PDE10A: variants seen among roughly 807,000 people sequenced by gnomAD.
PDE10A encodes the protein cAMP and cAMP-inhibited cGMP 3',5'-cyclic phosphodiesterase 10A.
In PDE10A, 39 loss-of-function variants were observed where a neutral mutation model predicts 97.7. The observed-to-expected ratio is 0.40, with a 90% CI of 0.31 to 0.52. The LOEUF is 0.52. Ranked by LOEUF, PDE10A falls within the 20% of genes least tolerant of loss-of-function variation. The probability of loss-of-function intolerance (pLI) is 0.56; values close to 1 mark genes in which losing one functional copy is unlikely to be tolerated. For missense variants in PDE10A, 731 were observed against 1,047.8 expected, an observed-to-expected ratio of 0.70 and a Z score of 4.17; for synonymous variants, 371 against 376.8, an observed-to-expected ratio of 0.98 and a Z score of 0.18.
upstream of PDE10A, among the ~76,000 whole-genome samples, chr6:165,664,476 A>G (rs1439588740): frequency 6.6e-6 from 1 of 152,202 alleles, no homozygotes; most frequent in Non-Finnish European, 1.5e-5. Context: ...ATTGCCGGGC[A>G]GATTCTGAGT....
intron 1 of PDE10A, among the ~76,000 whole-genome samples, chr6:165,836,332 G>A (rs990574671): frequency 1.3e-5 from 2 of 152,172 alleles, no homozygotes; most frequent in South Asian, 2.1e-4. Flanking sequence ...AGAGTCTAGC[G>A]CCCACTATGT....
At chr6:165,644,783 T>A (rs1032214144) in intron 1 of PDE10A, among the ~76,000 whole-genome samples, 1 of 152,236 alleles carries the variant, frequency 6.6e-6, no homozygotes, top group Non-Finnish European at 1.5e-5. Context: ...TTTCAGACTT[T>A]GTCAGCCCTG....
chr6:165,644,850 A>G (rs1789311538), intron 1 of PDE10A, among the ~76,000 whole-genome samples: 1 of 152,228 alleles, frequency 6.6e-6, no homozygotes, highest in African/African-American at 2.4e-5. Context: ...ATGGACGGTC[A>G]TGAGCAAGGC....
intron 1 of PDE10A, among the ~76,000 whole-genome samples, chr6:165,825,460 C>T (rs1459024040): frequency 1.3e-5 from 2 of 152,202 alleles, no homozygotes; most frequent in African/African-American, 2.4e-5. Context: ...CCCTGAAATA[C>T]GGCCCAGCCC....
chr6:165,534,665 G>C (rs1263572507), intron 2 of PDE10A, among the ~76,000 whole-genome samples: 2 of 151,944 alleles, frequency 1.3e-5, no homozygotes, highest in Admixed American at 1.3e-4. Flanking sequence ...CAATAAATAT[G>C]ATATATCACA....
At chr6:165,646,961 T>C (rs914232441) in intron 1 of PDE10A, among the ~76,000 whole-genome samples, 6 of 152,204 alleles carry the variant, frequency 3.9e-5, no homozygotes, top group African/African-American at 1.4e-4. Flanking sequence ...TTGATAGCTT[T>C]GTTTCAGATA....
intron 1 of PDE10A, among the ~76,000 whole-genome samples, chr6:165,927,942 G>A (rs953925508): frequency 1.5e-4 from 22 of 150,456 alleles, no homozygotes; most frequent in South Asian, 4.2e-4. Flanking sequence ...AGTGATCTGC[G>A]CACCCTCGCC....
At position 165,328,786 on chromosome 6, in the gene PDE10A, A is replaced by T. The variant is rs905087792; in HGVS notation, c.*4239T>A. ...TTTTCTTGCTATTTTTATCATATAAAATGCTTCCAACGCTACAGACAACCA... is the reference window on the plus strand; with the variant it reads ...TTTTCTTGCTATTTTTATCATATAATATGCTTCCAACGCTACAGACAACCA... On this transcript the variant is annotated 3_prime_UTR_variant, in exon 22 of 22. Transcript: ENST00000539869. 1.3e-5 allele frequency: 2 copies of T among 152,232 alleles called. No homozygotes were observed. The highest frequency in any genetic ancestry group is 1.3e-4 in the Admixed American group (2 of 15,286). The allele number at this position is 152,232 out of a possible 1,614,324, so 9.4% of individuals were successfully genotyped here.
At chr6:165,679,257 T>C (rs1397607456) in intron 1 of PDE10A, among the ~76,000 whole-genome samples, 1 of 152,240 alleles carries the variant, frequency 6.6e-6, no homozygotes, top group African/African-American at 2.4e-5. Flanking sequence ...TAAGAACTAA[T>C]GTCGGCAGAT....
chr6:165,390,768 T>C (rs963460436), intron 16 of PDE10A, among the ~76,000 whole-genome samples: 1 of 152,170 alleles, frequency 6.6e-6, no homozygotes, highest in African/African-American at 2.4e-5. Flanking sequence ...TTTTTAGCGA[T>C]ATGCCTGCTT....
Position 165,328,953 on chromosome 6 carries a change from C to G in PDE10A, c.*4072G>C, listed in dbSNP as rs1336385534. ...CATGTAAAAATCTCATGGCCATGCG[C>G]TGAAAGCATGGGGAAACTATAACGG... On this transcript the variant is annotated 3_prime_UTR_variant, in exon 22 of 22. Transcript: ENST00000539869. The G allele has an allele frequency of 6.6e-6, 1 of 152,102 alleles. No individual in the cohort carries two copies. The highest frequency in any genetic ancestry group is 1.5e-5 in the Non-Finnish European group (1 of 68,028). 9.4% of individuals were successfully genotyped at this position (152,102 alleles called of 1,614,324 possible). A position where few individuals can be genotyped will look rare whatever the true frequency, so the allele number is the denominator to read the frequency against.
At chr6:165,333,716 T>C (rs1381742192) in intron 21 of PDE10A, among the ~76,000 whole-genome samples, 1 of 152,202 alleles carries the variant, frequency 6.6e-6, no homozygotes, top group Non-Finnish European at 1.5e-5. Flanking sequence ...GGCAGTCTCA[T>C]TTCTCGAGTC....
In PDE10A at chr6:165,786,740, C is replaced by T. The variant is rs551314257; in HGVS notation, c.-615+200789G>A. On this transcript the variant is annotated intron_variant, in intron 1 of 19. Transcript: ENST00000366882. ...AAAGAGATGGAGGAACTTCTCTATTCCTGAAATGAGAATACTAGAGCAACT... is the reference window on the plus strand; with the variant it reads ...AAAGAGATGGAGGAACTTCTCTATTTCTGAAATGAGAATACTAGAGCAACT... Among the ~76,000 whole-genome samples the T allele has an allele frequency of 1.3e-4, 20 of 152,220 alleles. No individual in the cohort carries two copies. In the South Asian group the frequency reaches 4.2e-3, roughly 32 times the overall value.
At chr6:165,658,124 A>G (rs1790057859) in intron 1 of PDE10A, among the ~76,000 whole-genome samples, 1 of 152,206 alleles carries the variant, frequency 6.6e-6, no homozygotes, top group African/African-American at 2.4e-5. Flanking sequence ...GCCCACAAAC[A>G]GAAGTTAATG....
chr6:165,877,496 G>A (rs1039928173), intron 1 of PDE10A, among the ~76,000 whole-genome samples: 4 of 152,020 alleles, frequency 2.6e-5, no homozygotes, highest in African/African-American at 7.3e-5. Flanking sequence ...TTCTCTTCTC[G>A]CTTCCAAATA....
In PDE10A at chr6:165,392,645, C is replaced by A; in HGVS notation, c.2454+1G>T. 6.2e-7 allele frequency: 1 copy of A among 1,613,538 alleles called. No individual in the cohort carries two copies. The highest frequency in any genetic ancestry group is 8.5e-7 in the Non-Finnish European group (1 of 1,179,514). On this transcript the variant is annotated splice_donor_variant, in intron 16 of 21. Transcript: ENST00000539869. LOFTEE classifies it high-confidence loss of function. ...AACAGAGGTAAAGAGTGCACACCCA[C>A]CTCAAGGTCTGTGAAAAGCGTGTGA...
chr6:165,764,693 G>A (rs1777766735), intron 1 of PDE10A, among the ~76,000 whole-genome samples: 1 of 152,156 alleles, frequency 6.6e-6, no homozygotes, highest in Admixed American at 6.5e-5. Flanking sequence ...ACCGGCTCAG[G>A]AGTGAAGCTG....
intron 1 of PDE10A, among the ~76,000 whole-genome samples, chr6:165,831,748 G>T (rs566546245): frequency 6.6e-6 from 1 of 152,064 alleles, no homozygotes; most frequent in African/African-American, 2.4e-5. Context: ...GCCTCCCAAA[G>T]TGCTGGGATT....
intron 1 of PDE10A, among the ~76,000 whole-genome samples, chr6:165,837,446 C>T (rs573706312): frequency 3.9e-5 from 6 of 152,234 alleles, no homozygotes; most frequent in African/African-American, 1.4e-4. Context: ...TGCTTTCAAA[C>T]ATTCCTTTAC....
Sources: allele counts gnomAD v4.1 joint callset (sites outside exome capture counted in the v4.1 genomes callset), GRCh38; gene constraint gnomAD v4.1.1; transcripts MANE v1.5; gene names NCBI Gene and HGNC (gene_info 2026-07-23, HGNC 2026-07-21).